Variants in RGS17 observed in about 807,000 individuals in gnomAD.
The protein encoded by RGS17 is regulator of G protein signaling 17.
In RGS17, 12 loss-of-function variants were observed where a neutral mutation model predicts 25.5. That is an observed-to-expected ratio of 0.47 (90% CI 0.30 to 0.76). The LOEUF is 0.76. RGS17 is among the 30% of genes least tolerant of loss of function. The pLI is 0.07. For synonymous variants in RGS17, 71 were observed against 76.9 expected, an observed-to-expected ratio of 0.92 and a Z score of 0.40; for missense variants, 196 against 242.2, an observed-to-expected ratio of 0.81 and a Z score of 1.27.
At chr6:153,093,505 A>G (rs923300875) in intron 1 of RGS17, among the ~76,000 whole-genome samples, 2 of 152,188 alleles carry the variant, frequency 1.3e-5, no homozygotes, top group African/African-American at 4.8e-5. Flanking sequence ...AAGCTTCTTC[A>G]GTACCAGGCA....
chr6:153,026,021 C>A (rs938536859), intron 3 of RGS17, among the ~76,000 whole-genome samples: 2 of 152,028 alleles, frequency 1.3e-5, no homozygotes, highest in Non-Finnish European at 2.9e-5. Context: ...GGAGGCAGCA[C>A]GTGGGGAGAG....
At chr6:153,027,049 C>A (rs1482195603) in intron 2 of RGS17, among the ~76,000 whole-genome samples, 1 of 152,092 alleles carries the variant, frequency 6.6e-6, no homozygotes, top group East Asian at 1.9e-4. Context: ...TAATATCATT[C>A]CTTCAATTGC....
Position 153,059,271 on chromosome 6 carries a change from T to C in RGS17, c.-25-15228A>G, listed in dbSNP as rs569874215. ...GCCTCCTTGTTTTGGCTCATGTATA[T>C]CTATTGGTCGCATTTAAAAGCATTA... On this transcript the variant is annotated intron_variant, in intron 1 of 4. Coordinates refer to ENST00000206262, the MANE Select transcript of RGS17 (RefSeq NM_012419.5). Among the ~76,000 whole-genome samples the C allele has an allele frequency of 1.7e-3, 261 of 152,334 alleles. 6 individuals are homozygous for C. The Middle Eastern group carries it at 0.024, about 14-fold the overall frequency.
intron 4 of RGS17, among the ~76,000 whole-genome samples, chr6:153,019,154 T>A (rs773893582): frequency 6.6e-6 from 1 of 152,220 alleles, no homozygotes; most frequent in Non-Finnish European, 1.5e-5. Flanking sequence ...CCTTCATTCA[T>A]AACACTAGGA....
chr6:153,040,371 A>G (rs1227792235), intron 2 of RGS17, among the ~76,000 whole-genome samples: 1 of 152,246 alleles, frequency 6.6e-6, no homozygotes, highest in African/African-American at 2.4e-5. Context: ...CTATTTAAAA[A>G]TGAGAGAAGA....
chr6:153,108,345 T>C (rs1028686770), intron 1 of RGS17, among the ~76,000 whole-genome samples: 1 of 152,194 alleles, frequency 6.6e-6, no homozygotes, highest in African/African-American at 2.4e-5. Flanking sequence ...TCTGCTTCAG[T>C]TAATTATGCT....
At chr6:153,067,964 A>C (rs1776733318) in intron 1 of RGS17, among the ~76,000 whole-genome samples, 1 of 152,234 alleles carries the variant, frequency 6.6e-6, no homozygotes, top group South Asian at 2.1e-4. Flanking sequence ...ACAGACACAC[A>C]GATCAATAGA....
intron 1 of RGS17, among the ~76,000 whole-genome samples, chr6:153,070,169 T>TGTTGGG (rs1776767323): frequency 6.6e-6 from 1 of 152,052 alleles, no homozygotes; most frequent in Non-Finnish European, 1.5e-5. Context: ...AACCTCCCAC[T>TGTTGGG]AAAGTACTCT....
In RGS17 at chr6:153,011,789, TAAATA is replaced by T; in HGVS notation, c.445-32_445-28del. 3.3e-6 allele frequency: 5 copies of T among 1,498,072 alleles called. No individual in the cohort carries two copies. In the African/African-American group the frequency reaches 8.0e-5, roughly 24 times the overall value. The allele number at this position is 1,498,072 out of a possible 1,614,324, so 92.8% of individuals were successfully genotyped here. On this transcript the variant is annotated intron_variant, in intron 4 of 4. Transcript: ENST00000206262. ...TAAAAAGAAACAAGAGCAAATACAT[TAAATA>T]ATATTTTTTTCAAAAGACCTCAATT... is the stretch of plus-strand genomic sequence containing the variant.
intron 1 of RGS17, among the ~76,000 whole-genome samples, chr6:153,097,289 GATT>G (rs1777229267): frequency 1.3e-5 from 1 of 77,316 alleles, no homozygotes; most frequent in African/African-American, 4.8e-5. Context: ...GCGTTTTTTT[GATT>G]TTTTTTTTTT....
chr6:153,043,695 A>C (rs1776349999), intron 2 of RGS17, among the ~76,000 whole-genome samples: 1 of 152,162 alleles, frequency 6.6e-6, no homozygotes, highest in African/African-American at 2.4e-5. Context: ...TATCAATTTA[A>C]ATGTAGATTT....
chr6:153,056,460 A>T (rs1365985281), intron 1 of RGS17, among the ~76,000 whole-genome samples: 1 of 152,218 alleles, frequency 6.6e-6, no homozygotes, highest in Non-Finnish European at 1.5e-5. Flanking sequence ...TATTCCATAT[A>T]TGGAAAGTCT....
chr6:153,119,544 T>A (rs1777593287), intron 1 of RGS17, among the ~76,000 whole-genome samples: 1 of 151,898 alleles, frequency 6.6e-6, no homozygotes, highest in Non-Finnish European at 1.5e-5. Flanking sequence ...ACAAAAAAAA[T>A]TAGCTGGCTG....
intron 1 of RGS17, among the ~76,000 whole-genome samples, chr6:153,125,889 C>T (rs1195753134): frequency 6.6e-6 from 1 of 152,066 alleles, no homozygotes; most frequent in Non-Finnish European, 1.5e-5. Flanking sequence ...TAGTTTAATA[C>T]CTAAGGACTT....
intron 1 of RGS17, among the ~76,000 whole-genome samples, chr6:153,080,470 T>G (rs2129119083): frequency 6.6e-6 from 1 of 152,264 alleles, no homozygotes; most frequent in Admixed American, 6.5e-5. Flanking sequence ...TTTATCAGTT[T>G]TATTATTATT....
intron 2 of RGS17, 63 bp from the exon 3 acceptor site, chr6:153,026,606 A>C: frequency 1.5e-6 from 2 of 1,292,330 alleles, no homozygotes; most frequent in African/African-American, 1.5e-5. Flanking sequence ...GAAAAGAATA[A>C]ATTTTTCTGG....
chr6:153,053,926 T>TACACAC (rs1491434974), intron 1 of RGS17, among the ~76,000 whole-genome samples: 114 of 47,340 alleles, frequency 2.4e-3, no homozygotes, highest in East Asian at 8.1e-3. Flanking sequence ...TATATATATG[T>TACACAC]ATATATATGT....
chr6:153,088,556 A>G (rs1003448540), intron 1 of RGS17, among the ~76,000 whole-genome samples: 2 of 152,168 alleles, frequency 1.3e-5, no homozygotes, highest in Non-Finnish European at 2.9e-5. Flanking sequence ...TTATTTTATA[A>G]GCGAGATATT....
At chr6:153,121,044 C>G (rs1777623898) in intron 1 of RGS17, among the ~76,000 whole-genome samples, 1 of 151,762 alleles carries the variant, frequency 6.6e-6, no homozygotes, top group African/African-American at 2.4e-5. Context: ...ATTCTTTAGG[C>G]TCCCTCAGAC....
Sources: gnomAD v4.1 joint callset for allele counts (sites outside exome capture counted in the v4.1 genomes callset) on GRCh38, gnomAD v4.1.1 for gene constraint, MANE v1.5 for transcripts, NCBI Gene and HGNC (gene_info 2026-07-23, HGNC 2026-07-21) for gene names.